The following TNFRSF11A variants were observed in gnomAD, a reference collection of about 807,000 sequenced individuals.
TNFRSF11A encodes the protein tumor necrosis factor receptor superfamily member 11A.
Under a neutral mutation model 55.7 loss-of-function variants are expected in TNFRSF11A, and 32 were observed. The ratio of observed to expected loss-of-function variants is 0.57; its 90% CI spans 0.43 to 0.77. The LOEUF (loss-of-function observed/expected upper bound fraction) is 0.77, where lower values mean the gene tolerates loss of function less well. Among genes scored for constraint, TNFRSF11A ranks in the 30% least tolerant of loss-of-function variants. TNFRSF11A has a pLI of 0.00. For missense variants in TNFRSF11A, 753 were observed against 809.8 expected, an observed-to-expected ratio of 0.93 and a Z score of 0.85; for synonymous variants, 311 against 331.0, an observed-to-expected ratio of 0.94 and a Z score of 0.65.
intron 9 of TNFRSF11A, among the ~76,000 whole-genome samples, chr18:62,380,029 A>C (rs1363039152): frequency 6.6e-6 from 1 of 152,240 alleles, no homozygotes; most frequent in East Asian, 1.9e-4. Context: ...CCGCGCCTTC[A>C]GGACTGGTGA....
intron 1 of TNFRSF11A, among the ~76,000 whole-genome samples, chr18:62,337,108 A>C (rs893880248): frequency 2.6e-5 from 4 of 151,930 alleles, no homozygotes; most frequent in African/African-American, 7.3e-5. Context: ...AGAATGGTGA[A>C]TATGTCAGGA....
chr18:62,342,784 C>T (rs950336802), intron 1 of TNFRSF11A, among the ~76,000 whole-genome samples: 4 of 152,206 alleles, frequency 2.6e-5, no homozygotes, highest in African/African-American at 9.7e-5. Context: ...GCCGGCCTGT[C>T]AGCCCAGGTG....
At chr18:62,372,310 A>T (rs1234071894) in intron 9 of TNFRSF11A, among the ~76,000 whole-genome samples, 1 of 152,106 alleles carries the variant, frequency 6.6e-6, no homozygotes, top group East Asian at 1.9e-4. Context: ...AAGCCCTCTC[A>T]CCTGGAGATT....
At chr18:62,362,870 G>A (rs2145335332) in intron 7 of TNFRSF11A, among the ~76,000 whole-genome samples, 1 of 152,076 alleles carries the variant, frequency 6.6e-6, no homozygotes, top group South Asian at 2.1e-4. Context: ...TTTAGACAGA[G>A]TCTCGCTATG....
chr18:62,337,348 G>T (rs1487514027), intron 1 of TNFRSF11A, among the ~76,000 whole-genome samples: 1 of 152,130 alleles, frequency 6.6e-6, no homozygotes, highest in Non-Finnish European at 1.5e-5. Flanking sequence ...ATAGCATGAA[G>T]TGCCTAGTAT....
intron 9 of TNFRSF11A, among the ~76,000 whole-genome samples, chr18:62,382,718 C>G (rs887683782): frequency 1.3e-5 from 2 of 152,072 alleles, no homozygotes; most frequent in African/African-American, 4.8e-5. Flanking sequence ...CTTCCTTTTT[C>G]TTTCTTTTTT....
chr18:62,369,396 C>A lies in TNFRSF11A; in HGVS notation c.1479C>A (p.Pro493=). The change falls in exon 9 of 10, where the codon CCC becomes CCA. Residue 493 remains proline, a synonymous_variant. Transcript: ENST00000586569. ...EASRTEARDQ[P]EDGADGRLPS... ...GCAGGACGGAGGCCAGAGACCAGCC[C>A]GAGGATGGGGCTGATGGGAGGCTCC... 6.2e-7 allele frequency: 1 copy of A among 1,611,726 alleles called. No homozygotes were observed.
intron 4 of TNFRSF11A, chr18:62,357,992 G>T (rs1429810363): frequency 4.1e-6 from 2 of 484,800 alleles, no homozygotes; most frequent in Admixed American, 6.6e-5. Flanking sequence ...AGTGTTAGTG[G>T]CCTGACATCA....
At chr18:62,342,130 G>A (rs895965663) in intron 1 of TNFRSF11A, among the ~76,000 whole-genome samples, 2 of 134,800 alleles carry the variant, frequency 1.5e-5, no homozygotes, top group African/African-American at 2.5e-5. Flanking sequence ...ACTGGGTGTG[G>A]TGTCTCACGC....
At chr18:62,340,902 C>T (rs771189773) in intron 1 of TNFRSF11A, among the ~76,000 whole-genome samples, 3 of 152,232 alleles carry the variant, frequency 2.0e-5, no homozygotes, top group Non-Finnish European at 4.4e-5. Flanking sequence ...TTTATCCTCA[C>T]GGTCTCTTAT....
At chr18:62,363,278 A>G (rs181955330) in intron 7 of TNFRSF11A, among the ~76,000 whole-genome samples, 2 of 152,070 alleles carry the variant, frequency 1.3e-5, no homozygotes, top group East Asian at 3.9e-4. Context: ...CAAATGAAAC[A>G]CTAGACAATC....
chr18:62,359,882 A>G, intron 5 of TNFRSF11A, 73 bp from the exon 6 acceptor site: 12 of 1,349,176 alleles, frequency 8.9e-6, no homozygotes, highest in Non-Finnish European at 1.3e-5. Context: ...AATCTGGGAG[A>G]GTTTTGCATT....
intron 1 of TNFRSF11A, among the ~76,000 whole-genome samples, chr18:62,326,381 G>A (rs528100133): frequency 2.0e-5 from 3 of 152,226 alleles, no homozygotes; most frequent in Non-Finnish European, 4.4e-5. Flanking sequence ...GTGCACTGAA[G>A]GCTGAAGCAA....
intron 9 of TNFRSF11A, among the ~76,000 whole-genome samples, chr18:62,377,366 G>C (rs1910972094): frequency 6.6e-6 from 1 of 152,164 alleles, no homozygotes; most frequent in African/African-American, 2.4e-5. Flanking sequence ...GCAGATTTTT[G>C]TGTGGACATA....
In TNFRSF11A at chr18:62,384,778, C is replaced by T. The variant is rs768415189; in HGVS notation, c.1595C>T (p.Thr532Met). The T allele has an allele frequency of 5.0e-6, 8 of 1,612,562 alleles. No homozygotes were observed. The highest frequency in any genetic ancestry group is 6.8e-6 in the Non-Finnish European group (8 of 1,179,440). Residue 532 changes from threonine to methionine, a missense_variant, in exon 10 of 10, where the codon ACG (threonine) becomes ATG (methionine). This residue lies in a region of TNFRSF11A where 567 missense variants were observed against 596.7 expected (regional missense o/e 0.95). Coordinates refer to ENST00000586569, the MANE Select transcript of TNFRSF11A (RefSeq NM_003839.4). Reference protein sequence around the residue: ...SGNVTGNSNSTFISSGQVMNF... With the variant: ...SGNVTGNSNSMFISSGQVMNF... ...AATGTGACTGGAAACAGTAACTCCACGTTCATCTCCAGCGGGCAGGTGATG... is the reference window on the plus strand; with the variant it reads ...AATGTGACTGGAAACAGTAACTCCATGTTCATCTCCAGCGGGCAGGTGATG...
At chr18:62,328,952 G>A (rs76382273) in intron 1 of TNFRSF11A, among the ~76,000 whole-genome samples, 6,708 of 152,218 alleles carry the variant, frequency 0.044, 169 homozygotes, top group South Asian at 0.072. Context: ...CAATAAAAAT[G>A]TGCCTTTGGA....
At position 62,325,484 on chromosome 18, in the gene TNFRSF11A, G is replaced by A; in HGVS notation, c.75+57G>A. 9.0e-7 allele frequency: 1 copy of A among 1,109,776 alleles called. No homozygotes were observed. Among genetic ancestry groups the A allele is most frequent in the Non-Finnish European group, 1.1e-6 (1 of 888,832 alleles). The allele number at this position is 1,109,776 out of a possible 1,614,324, so 68.7% of individuals were successfully genotyped here. ...GGCCCGACGCCTCCTCGGGAGCCCC[G>A]GGAAGGGCCGGGGCCGGCGGCATCC... On this transcript the variant is annotated intron_variant, in intron 1 of 9. Coordinates refer to ENST00000586569, the MANE Select transcript of TNFRSF11A (RefSeq NM_003839.4). The surrounding 1 kb of genome is among the most constrained non-coding windows in gnomAD (Gnocchi z 4.7).
chr18:62,360,166 C>T (rs762148044), intron 6 of TNFRSF11A, 117 bp downstream of exon 6: 13 of 739,996 alleles, frequency 1.8e-5, no homozygotes, highest in Admixed American at 6.0e-5. Context: ...TATTTCATCC[C>T]GTGCATGGTC....
At position 62,350,081 on chromosome 18, in the gene TNFRSF11A, C is replaced by T. The variant is rs2046443778; in HGVS notation, c.283+144C>T. On this transcript the variant is annotated intron_variant, in intron 3 of 9. Transcript: ENST00000586569. ...GTGACTACACATCCCAAGAAAGATG[C>T]GTTTTAGATCCCCAAGGCCTCTGTT... 4 of 1,079,006 alleles carry T rather than the reference C, an allele frequency of 3.7e-6. No individual in the cohort carries two copies. In the South Asian group the frequency reaches 4.4e-5, roughly 12 times the overall value. 66.8% of individuals were successfully genotyped at this position (1,079,006 alleles called of 1,614,324 possible).
Sources: gnomAD v4.1 joint callset for allele counts (sites outside exome capture counted in the v4.1 genomes callset) on GRCh38, gnomAD v4.1.1 for gene constraint, gnomAD v4.1.1 regional missense constraint, Gnocchi (gnomAD v3.1) non-coding constraint, MANE v1.5 for transcripts, NCBI Gene and HGNC (gene_info 2026-07-23, HGNC 2026-07-21) for gene names.